The following ADAM10 variants were observed in gnomAD, a reference collection of about 807,000 sequenced individuals.
The protein encoded by ADAM10 is ADAM metallopeptidase domain 10.
A neutral mutation model predicts 90.1 loss-of-function variants in ADAM10; 17 were observed. The ratio of observed to expected loss-of-function variants is 0.19; its 90% CI spans 0.13 to 0.28. ADAM10 has a LOEUF of 0.28. Among genes scored for constraint, ADAM10 ranks in the 10% least tolerant of loss-of-function variants. ADAM10 has a pLI of 1.00. For missense variants in ADAM10, 610 were observed against 914.3 expected, an observed-to-expected ratio of 0.67 and a Z score of 4.29; for synonymous variants, 310 against 298.6, an observed-to-expected ratio of 1.04 and a Z score of -0.40.
chr15:58,650,248 T>C (rs1054023127), intron 5 of ADAM10, among the ~76,000 whole-genome samples: 3 of 152,202 alleles, frequency 2.0e-5, no homozygotes, highest in African/African-American at 2.4e-5. Context: ...ACTGGTTACA[T>C]TGAACTGAGT....
At chr15:58,721,415 G>A (rs538115178) in intron 1 of ADAM10, among the ~76,000 whole-genome samples, 4 of 152,104 alleles carry the variant, frequency 2.6e-5, no homozygotes, top group Non-Finnish European at 5.9e-5. Flanking sequence ...CAGTATTTGT[G>A]TAATCTCAGT....
chr15:58,625,429 G>A (rs1356588324), intron 10 of ADAM10, among the ~76,000 whole-genome samples: 1 of 152,172 alleles, frequency 6.6e-6, no homozygotes, highest in African/African-American at 2.4e-5. Context: ...TTAGCCACCA[G>A]AGAAATGCAA....
intron 2 of ADAM10, among the ~76,000 whole-genome samples, chr15:58,716,722 G>A (rs1898671857): frequency 6.6e-6 from 1 of 152,186 alleles, no homozygotes; most frequent in Middle Eastern, 3.2e-3. Flanking sequence ...CAGTAGAATA[G>A]CTTTATTGAT....
intron 1 of ADAM10, among the ~76,000 whole-genome samples, chr15:58,725,957 T>C (rs1899014250): frequency 6.6e-6 from 1 of 152,116 alleles, no homozygotes; most frequent in African/African-American, 2.4e-5. Context: ...TAATACCAGA[T>C]GGAAACCTAC....
intron 8 of ADAM10, among the ~76,000 whole-genome samples, chr15:58,639,378 G>C (rs1477350449): frequency 6.6e-6 from 1 of 152,138 alleles, no homozygotes; most frequent in African/African-American, 2.4e-5. Flanking sequence ...TGTATTAATG[G>C]ATAATATACA....
intron 2 of ADAM10, among the ~76,000 whole-genome samples, chr15:58,710,729 T>C (rs1898447126): frequency 6.6e-6 from 1 of 152,254 alleles, no homozygotes; most frequent in African/African-American, 2.4e-5. Flanking sequence ...TTTTTAAATT[T>C]TTGTTTTTAA....
At chr15:58,731,961 G>A (rs1247074433) in intron 1 of ADAM10, among the ~76,000 whole-genome samples, 2 of 152,210 alleles carry the variant, frequency 1.3e-5, no homozygotes, top group Non-Finnish European at 2.9e-5. Flanking sequence ...CAGATTCAGA[G>A]GCAGCAGACA....
At chr15:58,680,567 A>C (rs1338704460) in intron 3 of ADAM10, among the ~76,000 whole-genome samples, 1 of 152,252 alleles carries the variant, frequency 6.6e-6, no homozygotes, top group African/African-American at 2.4e-5. Flanking sequence ...AGGAAATAAT[A>C]GGAAAAAAGG....
intron 3 of ADAM10, among the ~76,000 whole-genome samples, chr15:58,679,630 CAGTG>C (rs1423855963): frequency 2.6e-5 from 4 of 152,304 alleles, no homozygotes; most frequent in African/African-American, 9.6e-5. Context: ...TGGCCCAGCA[CAGTG>C]TGGTTCACAC....
Position 58,627,901 on chromosome 15 carries a change from A to C in ADAM10, c.1177-18T>G, listed in dbSNP as rs1294808935. 2.5e-6 allele frequency: 4 copies of C among 1,611,466 alleles called. No individual in the cohort carries two copies. The South Asian group carries it at 3.3e-5, about 13-fold the overall frequency. ...GAATCATGCTGTCAAAAAGAATATA[A>C]AGTTACATAAACAGGAAGTAAAATA... On this transcript the variant is annotated intron_variant, in intron 9 of 15. Coordinates refer to ENST00000260408, the MANE Select transcript of ADAM10 (RefSeq NM_001110.4).
chr15:58,693,197 T>C (rs369002289), intron 2 of ADAM10: 37 of 692,302 alleles, frequency 5.3e-5, no homozygotes, highest in South Asian at 2.8e-4. Flanking sequence ...TCTGCAGGCA[T>C]CTTGAAAGGA....
Position 58,739,326 on chromosome 15 carries a change from G to A in ADAM10, c.55+10154C>T, listed in dbSNP as rs577972863. Among the ~76,000 whole-genome samples the A allele has an allele frequency of 4.2e-5, 6 of 144,042 alleles. No homozygotes were observed. The East Asian group carries it at 7.9e-4, about 19-fold the overall frequency. The allele number at this position is 144,042 out of a possible 152,430, so 94.5% of individuals were successfully genotyped here. A position where few individuals can be genotyped will look rare whatever the true frequency, so the allele number is the denominator to read the frequency against. ...TTGAGACCATCCTGGCTAACATGGTGAAACCCCGTCTCTACCAAAAATACA... is the reference window on the plus strand; with the variant it reads ...TTGAGACCATCCTGGCTAACATGGTAAAACCCCGTCTCTACCAAAAATACA... On this transcript the variant is annotated intron_variant, in intron 1 of 15. Coordinates refer to ENST00000260408, the MANE Select transcript of ADAM10 (RefSeq NM_001110.4).
chr15:58,597,000 G>C lies in ADAM10; in HGVS notation c.*547C>G, dbSNP rs200156559. On this transcript the variant is annotated 3_prime_UTR_variant, in exon 16 of 16. Transcript: ENST00000260408. ...TAAACAGTAATTTTTAATTAAGAGCGGAAAAATTTTATAATACAAAGAAAC... is the reference window on the plus strand; with the variant it reads ...TAAACAGTAATTTTTAATTAAGAGCCGAAAAATTTTATAATACAAAGAAAC... 820 of 167,888 alleles carry C rather than the reference G, an allele frequency of 4.9e-3. 4 individuals are homozygous for C. Among genetic ancestry groups the C allele is most frequent in the African/African-American group, 0.018 (750 of 41,606 alleles). 10.4% of individuals were successfully genotyped at this position (167,888 alleles called of 1,614,324 possible).
Position 58,701,025 on chromosome 15 carries a change from A to AAC in ADAM10, c.206+16551_206+16552insGT, listed in dbSNP as rs1178144051. The stretch of plus-strand genomic sequence containing the variant: ...AACTTAAAAAAAAACAAAAAAACAA[A>AAC]AAAAAAAAAACAGGGCAGAATTCAA... On this transcript the variant is annotated intron_variant, in intron 2 of 15. Coordinates refer to ENST00000260408, the MANE Select transcript of ADAM10 (RefSeq NM_001110.4). Among the ~76,000 whole-genome samples, 13 of 150,860 alleles carry AAC rather than the reference A, an allele frequency of 8.6e-5. No individual in the cohort carries two copies. The South Asian group carries it at 1.5e-3, about 17-fold the overall frequency.
At position 58,597,593 on chromosome 15, in the gene ADAM10, C is replaced by T. The variant is rs1255825947; in HGVS notation, c.2201G>A (p.Arg734His). The change falls in exon 16 of 16, where the codon CGT becomes CAT. Residue 734 changes from arginine (R) to histidine (H), a missense_variant. By Grantham distance (29) the Arg-to-His change is conservative (BLOSUM62 0). Transcript: ENST00000260408. Reference sequence around the variant, plus strand: ...TTGATAACTCTCTCGGGGCCGCTGACGCTGGGGTTGCTGAATGGGCTGTGG... The same window carrying T: ...TTGATAACTCTCTCGGGGCCGCTGATGCTGGGGTTGCTGAATGGGCTGTGG... ...RPPQPIQQPQ[R>H]QRPRESYQMG... The T allele has an allele frequency of 3.7e-6, 6 of 1,613,954 alleles. No individual in the cohort carries two copies. The highest frequency in any genetic ancestry group is 2.2e-5 in the South Asian group (2 of 91,082).
At chr15:58,719,407 T>C (rs1834701947) in intron 1 of ADAM10, among the ~76,000 whole-genome samples, 1 of 152,204 alleles carries the variant, frequency 6.6e-6, no homozygotes, top group African/African-American at 2.4e-5. Context: ...TAATCCTTAT[T>C]TCTCCATCTT....
chr15:58,725,630 A>T (rs530370611), intron 1 of ADAM10, among the ~76,000 whole-genome samples: 1 of 152,124 alleles, frequency 6.6e-6, no homozygotes, highest in Non-Finnish European at 1.5e-5. Flanking sequence ...GGAGAAAAAA[A>T]AATTCTTAAA....
chr15:58,660,074 A>G (rs775295974), intron 5 of ADAM10, among the ~76,000 whole-genome samples: 58 of 152,238 alleles, frequency 3.8e-4, no homozygotes, highest in Admixed American at 9.2e-4. Flanking sequence ...CTTTAAGGAT[A>G]AACTCTGAGA....
intron 5 of ADAM10, among the ~76,000 whole-genome samples, chr15:58,664,480 AAAG>A (rs1238015211): frequency 1.3e-5 from 2 of 152,142 alleles, no homozygotes. Context: ...TTTACAGATC[AAAG>A]AATAGATCTG....
Sources: gnomAD v4.1 joint callset for allele counts (sites outside exome capture counted in the v4.1 genomes callset) on GRCh38, gnomAD v4.1.1 for gene constraint, MANE v1.5 for transcripts, NCBI Gene and HGNC (gene_info 2026-07-23, HGNC 2026-07-21) for gene names.